CPVL: variants seen among roughly 807,000 people sequenced by gnomAD.
CPVL encodes the protein probable serine carboxypeptidase CPVL.
CPVL carries 51 observed loss-of-function variants against 63.7 expected under a neutral mutation model. That is an observed-to-expected ratio of 0.80 (90% CI 0.64 to 1.01). The LOEUF is 1.01. Among genes scored for constraint, CPVL ranks in the 50% least tolerant of loss-of-function variants. The pLI is 0.00. For synonymous variants in CPVL, 195 were observed against 206.0 expected (o/e 0.95, Z 0.46); for missense variants, 530 against 573.1 (o/e 0.92, Z 0.77).
At chr7:29,095,938 G>A (rs531154964) in intron 4 of CPVL, among the ~76,000 whole-genome samples, 165 bp downstream of exon 4, 2 of 152,244 alleles carry the variant, frequency 1.3e-5, no homozygotes, top group East Asian at 1.9e-4. Flanking sequence ...CACTCACCCC[G>A]AGGCTCCTCC....
At chr7:29,107,152 G>A (rs1374188041) in intron 3 of CPVL, among the ~76,000 whole-genome samples, 2 of 152,218 alleles carry the variant, frequency 1.3e-5, no homozygotes, top group Non-Finnish European at 2.9e-5. Context: ...AGAGACCAAG[G>A]CACAAGTAAT....
At chr7:29,045,448 T>C (rs923028437) in intron 11 of CPVL, among the ~76,000 whole-genome samples, 9 of 152,194 alleles carry the variant, frequency 5.9e-5, no homozygotes, top group Non-Finnish European at 1.0e-4. Context: ...TATAGTTACA[T>C]AAAATAAATG....
intron 10 of CPVL, among the ~76,000 whole-genome samples, chr7:29,065,291 G>C (rs56193229): frequency 1.3e-5 from 2 of 152,116 alleles, no homozygotes; most frequent in Admixed American, 1.3e-4. Flanking sequence ...TCTCTTAGTA[G>C]AATCTAAATC....
intron 12 of CPVL, among the ~76,000 whole-genome samples, chr7:29,005,033 A>G (rs689347): frequency 0.44 from 66,165 of 151,218 alleles, 16,488 homozygotes; most frequent in Non-Finnish European, 0.58. Flanking sequence ...AGTAGCTGGG[A>G]TTACAGGCAT....
intron 5 of CPVL, among the ~76,000 whole-genome samples, chr7:29,093,313 A>G (rs1045706840): frequency 7.9e-6 from 1 of 127,042 alleles, no homozygotes. Flanking sequence ...GGAGGCGGAG[A>G]TTGCAGTGAG....
chr7:29,103,191 G>C (rs989032215), intron 3 of CPVL, among the ~76,000 whole-genome samples: 9 of 137,578 alleles, frequency 6.5e-5, no homozygotes, highest in South Asian at 5.4e-4. Context: ...GGGGGGGGGG[G>C]GGGGGTGCTA....
At chr7:29,159,902 A>G (rs533816978) in intron 5 of CPVL, among the ~76,000 whole-genome samples, 1 of 152,314 alleles carries the variant, frequency 6.6e-6, no homozygotes, top group South Asian at 2.1e-4. Flanking sequence ...ATGCTTAAGT[A>G]TTTGTGGAAG....
At chr7:29,133,125 G>T (rs928062407) in intron 1 of CPVL, among the ~76,000 whole-genome samples, 1 of 151,314 alleles carries the variant, frequency 6.6e-6, no homozygotes, top group Non-Finnish European at 1.5e-5. Flanking sequence ...AAGCCCACAG[G>T]CTGGTTCATC....
chr7:29,009,342 G>A (rs538683345), intron 12 of CPVL: 1 of 152,148 alleles, frequency 6.6e-6, no homozygotes, highest in South Asian at 2.1e-4. Flanking sequence ...TGAGATCATG[G>A]AATAATCAGA....
At position 28,998,832 on chromosome 7, in the gene CPVL, T is replaced by A. The variant is rs554380821; in HGVS notation, c.1321-2950A>T. On this transcript the variant is annotated intron_variant, in intron 12 of 12. Coordinates refer to ENST00000265394, the MANE Select transcript of CPVL (RefSeq NM_031311.5). ...TAAATGAATATATATGTATATATGC[T>A]TATATGAACCTAAACTACCCTAGAA... 2.0e-5 allele frequency among the ~76,000 whole-genome samples: 3 copies of A among 152,036 alleles called. No homozygotes were observed. The South Asian group carries it at 6.2e-4, about 32-fold the overall frequency.
chr7:29,072,094 C>T (rs528133438), intron 8 of CPVL, among the ~76,000 whole-genome samples, 190 bp from the exon 9 acceptor site: 17 of 152,282 alleles, frequency 1.1e-4, no homozygotes, highest in Admixed American at 1.0e-3. Flanking sequence ...AATACAAACA[C>T]ACACACATTT....
Position 29,183,403 on chromosome 7 carries a change from G to T in CPVL, c.-134+1018C>A, listed in dbSNP as rs113908484. Among the ~76,000 whole-genome samples, 1,031 of 147,712 alleles carry T rather than the reference G, an allele frequency of 7.0e-3. 19 individuals are homozygous for T. Among genetic ancestry groups the T allele is most frequent in the African/African-American group, 0.025 (982 of 39,968 alleles). On this transcript the variant is annotated intron_variant, in intron 4 of 16. Coordinates refer to the CPVL transcript ENST00000409850. ...CTAGCCTTTTTTTTTTTGAGACAGGGTCTTGCTCTGTTGCCCAGGCTGGAG... is the reference window on the plus strand; with the variant it reads ...CTAGCCTTTTTTTTTTTGAGACAGGTTCTTGCTCTGTTGCCCAGGCTGGAG...
Position 29,071,753 on chromosome 7 carries a change from A to G in CPVL, c.864+20T>C. The G allele has an allele frequency of 7.7e-7, 1 of 1,297,210 alleles. No homozygotes were observed. The highest frequency in any genetic ancestry group is 1.2e-5 in the South Asian group (1 of 83,890). The allele number at this position is 1,297,210 out of a possible 1,614,324, so 80.4% of individuals were successfully genotyped here. A position where few individuals can be genotyped will look rare whatever the true frequency, so the allele number is the denominator to read the frequency against. On this transcript the variant is annotated intron_variant, in intron 9 of 12. Coordinates refer to ENST00000265394, the MANE Select transcript of CPVL (RefSeq NM_031311.5). ...ATGGTTTTAATTGCTCAAGGGCAGC[A>G]CAGGGCCCCCAGAACTCACTTCAAA...
chr7:29,044,358 A>T (rs1457026721), intron 11 of CPVL, among the ~76,000 whole-genome samples: 1 of 152,218 alleles, frequency 6.6e-6, no homozygotes, highest in Non-Finnish European at 1.5e-5. Context: ...TGGAGGTTGC[A>T]GTGAGCTGAG....
At chr7:29,185,343 G>T (rs1231918335) in intron 3 of CPVL, among the ~76,000 whole-genome samples, 2 of 152,116 alleles carry the variant, frequency 1.3e-5, no homozygotes, top group East Asian at 3.9e-4. Context: ...ATTTGAAGAA[G>T]AATTGCCCCA....
intron 12 of CPVL, among the ~76,000 whole-genome samples, chr7:28,997,930 CT>C (rs1360831009): frequency 3.9e-5 from 6 of 152,146 alleles, no homozygotes; most frequent in African/African-American, 1.4e-4. Flanking sequence ...AAATGTGAAA[CT>C]TTTGTGTTTT....
At chr7:29,122,092 C>T (rs1355889389) in intron 1 of CPVL, among the ~76,000 whole-genome samples, 1 of 152,114 alleles carries the variant, frequency 6.6e-6, no homozygotes, top group Non-Finnish European at 1.5e-5. Flanking sequence ...AGTGGGCTTT[C>T]CCATGTATTT....
Position 29,164,335 on chromosome 7 carries a change from T to C in CPVL, c.-11+16955A>G, listed in dbSNP as rs1367811511. Among the ~76,000 whole-genome samples, 3 of 152,322 alleles carry C rather than the reference T, an allele frequency of 2.0e-5. No individual in the cohort carries two copies. The East Asian group carries it at 5.8e-4, about 29-fold the overall frequency. On this transcript the variant is annotated intron_variant, in intron 5 of 16. Transcript: ENST00000409850. The stretch of plus-strand genomic sequence containing the variant: ...TTTGATTTTTGCACAGTATTTTAAT[T>C]AGGTTGTTTCTCTTCTTATTAAGTT...
intron 6 of CPVL, among the ~76,000 whole-genome samples, chr7:29,092,382 T>G (rs1182699844): frequency 6.6e-6 from 1 of 152,170 alleles, no homozygotes; most frequent in African/African-American, 2.4e-5. Flanking sequence ...AATGCAAAGT[T>G]AAATACAAAT....
Sources: gnomAD v4.1 joint callset for allele counts (sites outside exome capture counted in the v4.1 genomes callset) on GRCh38, gnomAD v4.1.1 for gene constraint, MANE v1.5 for transcripts, NCBI Gene and HGNC (gene_info 2026-07-23, HGNC 2026-07-21) for gene names.